The following TSHZ2 variants were observed in gnomAD, a reference collection of about 807,000 sequenced individuals.
The protein encoded by TSHZ2 is teashirt homolog 2.
In TSHZ2, 21 loss-of-function variants were observed where a neutral mutation model predicts 74.4. The ratio of observed to expected loss-of-function variants is 0.28; its 90% CI spans 0.20 to 0.41. TSHZ2 has a LOEUF of 0.41. TSHZ2 is among the 10% of genes least tolerant of loss of function. The probability of loss-of-function intolerance (pLI) is 1.00; values close to 1 mark genes in which losing one functional copy is unlikely to be tolerated. For missense variants in TSHZ2, 1,244 were observed against 1,293.5 expected (o/e 0.96, Z 0.59); for synonymous variants, 540 against 515.3 (o/e 1.05, Z -0.65).
rs754229587 is a variant in TSHZ2, at chr20:53,461,171, T to C, written c.*9-25973T>C. Among the ~76,000 whole-genome samples, 1,479 of 152,184 alleles carry C rather than the reference T, an allele frequency of 9.7e-3. 15 individuals are homozygous for C. The highest frequency in any genetic ancestry group is 0.036 in the South Asian group (175 of 4,818). On this transcript the variant is annotated intron_variant, in intron 2 of 2. Transcript: ENST00000371497. The stretch of plus-strand genomic sequence containing the variant: ...GCCGCCTTGCAGTTTGATCTCAGAC[T>C]GCTGTGCTAGCAATCAGCGAGACTC...
At chr20:53,029,816 G>A (rs1983572976) in intron 1 of TSHZ2, among the ~76,000 whole-genome samples, 1 of 151,968 alleles carries the variant, frequency 6.6e-6, no homozygotes, top group Non-Finnish European at 1.5e-5. Context: ...CAAAGTGGGA[G>A]GAGCTTTCCT....
chr20:53,391,221 A>G (rs1982242731), intron 2 of TSHZ2, among the ~76,000 whole-genome samples: 1 of 152,132 alleles, frequency 6.6e-6, no homozygotes, highest in African/African-American at 2.4e-5. Context: ...ATCTCGGCTC[A>G]CTGCAAGCTC....
At chr20:53,003,256 G>GT (rs1491330548) in intron 1 of TSHZ2, among the ~76,000 whole-genome samples, 486 of 3,620 alleles carry the variant, frequency 0.13, no homozygotes, top group Non-Finnish European at 0.21. Flanking sequence ...TCCAGGGATG[G>GT]TGTGTGTGTG....
chr20:53,112,423 C>G (rs892834520), intron 1 of TSHZ2, among the ~76,000 whole-genome samples: 1 of 152,230 alleles, frequency 6.6e-6, no homozygotes, highest in Admixed American at 6.5e-5. Flanking sequence ...ACATATATCT[C>G]TTCTGCCCCT....
chr20:53,311,114 C>T (rs998117867), intron 2 of TSHZ2, among the ~76,000 whole-genome samples: 10 of 152,318 alleles, frequency 6.6e-5, no homozygotes, highest in Admixed American at 6.5e-5. Context: ...AATTATAGCA[C>T]AGAGCAGAAT....
At chr20:53,274,023 G>C (rs887076903) in intron 2 of TSHZ2, among the ~76,000 whole-genome samples, 1 of 152,172 alleles carries the variant, frequency 6.6e-6, no homozygotes, top group Non-Finnish European at 1.5e-5. Context: ...ACTCACACCT[G>C]TAATCCCAGC....
At chr20:53,329,215 G>A (rs1167620708) in intron 2 of TSHZ2, among the ~76,000 whole-genome samples, 13 of 152,144 alleles carry the variant, frequency 8.5e-5, no homozygotes, top group South Asian at 4.1e-4. Flanking sequence ...ACTGTCTGTC[G>A]AGACTGTTTT....
intron 2 of TSHZ2, chr20:53,397,986 G>C (rs1054682095): frequency 7.9e-5 from 12 of 152,076 alleles, no homozygotes; most frequent in Non-Finnish European, 1.2e-4. Context: ...GTCATGGAGT[G>C]GGGGGAGGGG....
At chr20:53,083,732 T>C (rs1157508833) in intron 1 of TSHZ2, among the ~76,000 whole-genome samples, 2 of 152,230 alleles carry the variant, frequency 1.3e-5, no homozygotes, top group African/African-American at 4.8e-5. Flanking sequence ...TTCACCGTTA[T>C]AAAGACTAAA....
At chr20:53,283,894 G>C (rs1055076288) in intron 2 of TSHZ2, among the ~76,000 whole-genome samples, 3 of 152,154 alleles carry the variant, frequency 2.0e-5, no homozygotes, top group Admixed American at 6.5e-5. Context: ...CTGTGACCTG[G>C]GTTTATGAAG....
intron 1 of TSHZ2, among the ~76,000 whole-genome samples, chr20:53,166,491 C>T (rs1323676829): frequency 6.6e-6 from 1 of 152,134 alleles, no homozygotes; most frequent in Non-Finnish European, 1.5e-5. Flanking sequence ...AAAAATTAGG[C>T]CAGGAGTGGT....
chr20:53,075,463 A>G (rs1400384654), intron 1 of TSHZ2, among the ~76,000 whole-genome samples: 2 of 152,200 alleles, frequency 1.3e-5, no homozygotes, highest in Non-Finnish European at 2.9e-5. Context: ...GGGGATTTGA[A>G]GTCAGATTAT....
In TSHZ2 at chr20:53,230,291, G is replaced by A. The variant is rs377471950; in HGVS notation, c.41-23208G>A. On this transcript the variant is annotated intron_variant, in intron 1 of 2. Transcript: ENST00000371497. Reference sequence around the variant, plus strand: ...AATAGAAAGTTCAGAATTATGATTGGATCATTTCCCCTGAAGTAGATTACA... The same window carrying A: ...AATAGAAAGTTCAGAATTATGATTGAATCATTTCCCCTGAAGTAGATTACA... Among the ~76,000 whole-genome samples the A allele has an allele frequency of 1.9e-4, 29 of 152,272 alleles. No individual in the cohort carries two copies. The South Asian group carries it at 6.0e-3, about 32-fold the overall frequency.
chr20:53,464,596 G>A (rs772145578), intron 2 of TSHZ2, among the ~76,000 whole-genome samples: 1 of 152,136 alleles, frequency 6.6e-6, no homozygotes, highest in Non-Finnish European at 1.5e-5. Context: ...CAAGTAGCTG[G>A]AACTATAGGT....
rs59962766 is a variant in TSHZ2, at chr20:53,176,907, G to A, written c.41-76592G>A. Reference sequence around the variant, plus strand: ...TCACTATGTTGGCCAGGAAGGTCTCGAACTCTTGACCTTGTGATCCACCCG... The same window carrying A: ...TCACTATGTTGGCCAGGAAGGTCTCAAACTCTTGACCTTGTGATCCACCCG... On this transcript the variant is annotated intron_variant, in intron 1 of 2. Coordinates refer to ENST00000371497, the MANE Select transcript of TSHZ2 (RefSeq NM_173485.6). Among the ~76,000 whole-genome samples, 836 of 152,068 alleles carry A rather than the reference G, an allele frequency of 5.5e-3. 6 individuals carry two copies. Among genetic ancestry groups the A allele is most frequent in the African/African-American group, 0.018 (757 of 41,506 alleles).
chr20:53,002,529 T>C (rs1982478000), intron 1 of TSHZ2, among the ~76,000 whole-genome samples: 2 of 152,188 alleles, frequency 1.3e-5, no homozygotes, highest in Non-Finnish European at 2.9e-5. Context: ...ACAGCCTCCA[T>C]TCTCTGGCTT....
chr20:53,076,910 A>G (rs144254530), intron 1 of TSHZ2, among the ~76,000 whole-genome samples: 104 of 152,352 alleles, frequency 6.8e-4, no homozygotes, highest in Middle Eastern at 3.4e-3. Flanking sequence ...AGTTATAAAC[A>G]AGACCCTGAT....
chr20:53,130,230 T>A (rs568635245), intron 1 of TSHZ2, among the ~76,000 whole-genome samples: 9 of 148,670 alleles, frequency 6.1e-5, no homozygotes, highest in Admixed American at 1.3e-4. Context: ...AGCTAAAATT[T>A]AAAAAAAAAA....
chr20:53,188,007 G>A (rs1286793141), intron 1 of TSHZ2, among the ~76,000 whole-genome samples: 2 of 152,114 alleles, frequency 1.3e-5, no homozygotes, highest in East Asian at 3.9e-4. Context: ...AAGCAAGTCT[G>A]GAAGACTTTC....
Sources: gnomAD v4.1 joint callset for allele counts (sites outside exome capture counted in the v4.1 genomes callset) on GRCh38, gnomAD v4.1.1 for gene constraint, MANE v1.5 for transcripts, NCBI Gene and HGNC (gene_info 2026-07-23, HGNC 2026-07-21) for gene names.